Variants in ATL2 observed in about 807,000 individuals in gnomAD.
ATL2 encodes the protein atlastin GTPase 2, also known as atlastin-2.
ATL2 carries 31 observed loss-of-function variants against 73.9 expected under a neutral mutation model. The observed-to-expected ratio is 0.42, with a 90% CI of 0.32 to 0.57. ATL2 has a LOEUF of 0.57. Ranked by LOEUF, ATL2 falls within the 20% of genes least tolerant of loss-of-function variation. The pLI, the probability that ATL2 is intolerant of heterozygous loss-of-function variation, is 0.14. For missense variants in ATL2, 738 were observed against 702.6 expected, an observed-to-expected ratio of 1.05 and a Z score of -0.57; for synonymous variants, 291 against 237.5, an observed-to-expected ratio of 1.23 and a Z score of -2.07.
intron 9 of ATL2, among the ~76,000 whole-genome samples, chr2:38,307,579 C>A (rs1667520562): frequency 6.6e-6 from 1 of 151,826 alleles, no homozygotes; most frequent in Non-Finnish European, 1.5e-5. Context: ...TCAGTAATAC[C>A]CTACAAGCAC....
intron 9 of ATL2, among the ~76,000 whole-genome samples, chr2:38,307,071 T>C (rs1233468234): frequency 6.6e-6 from 1 of 152,018 alleles, no homozygotes; most frequent in South Asian, 2.1e-4. Context: ...AAAGAACACA[T>C]TGGTGGCCAG....
At chr2:38,315,693 C>A (rs1667993489) in intron 4 of ATL2, among the ~76,000 whole-genome samples, 1 of 151,916 alleles carries the variant, frequency 6.6e-6, no homozygotes, top group Non-Finnish European at 1.5e-5. Context: ...TAGGTTATTT[C>A]CACCATCATT....
At chr2:38,364,211 G>A (rs571258889) in intron 1 of ATL2, among the ~76,000 whole-genome samples, 15 of 152,228 alleles carry the variant, frequency 9.9e-5, no homozygotes, top group African/African-American at 2.4e-4. Context: ...GCAGTGAGCC[G>A]AGATTGTACC....
At chr2:38,332,028 C>T (rs1044446083) in intron 2 of ATL2, among the ~76,000 whole-genome samples, 1 of 151,944 alleles carries the variant, frequency 6.6e-6, no homozygotes, top group African/African-American at 2.4e-5. Flanking sequence ...TATGGATGAA[C>T]CCTGAAAACA....
chr2:38,359,334 G>T (rs980802149), intron 1 of ATL2, among the ~76,000 whole-genome samples: 1 of 152,018 alleles, frequency 6.6e-6, no homozygotes, highest in Non-Finnish European at 1.5e-5. Flanking sequence ...GCCAGGCGTG[G>T]TGCCACACGC....
chr2:38,376,186 T>A, intron 1 of ATL2: 5 of 1,520,636 alleles, frequency 3.3e-6, no homozygotes, highest in Non-Finnish European at 4.4e-6. Flanking sequence ...CCATCAAAAT[T>A]TTCAATCAGG....
intron 2 of ATL2, among the ~76,000 whole-genome samples, chr2:38,325,159 C>A (rs1668526857): frequency 6.6e-6 from 1 of 152,178 alleles, no homozygotes; most frequent in Non-Finnish European, 1.5e-5. Context: ...CATTGGACTT[C>A]CAGTGTCAGC....
At chr2:38,345,060 C>A (rs1174644280) in intron 1 of ATL2, among the ~76,000 whole-genome samples, 1 of 152,168 alleles carries the variant, frequency 6.6e-6, no homozygotes, top group African/African-American at 2.4e-5. Flanking sequence ...TCAGAGGACA[C>A]ATACCTTGTC....
chr2:38,337,999 T>C (rs537468295), intron 2 of ATL2, among the ~76,000 whole-genome samples: 4 of 152,330 alleles, frequency 2.6e-5, no homozygotes, highest in Non-Finnish European at 4.4e-5. Context: ...GTTTTGACCA[T>C]TGTAAACTGA....
At chr2:38,334,123 G>A (rs970995679) in intron 2 of ATL2, among the ~76,000 whole-genome samples, 1 of 146,724 alleles carries the variant, frequency 6.8e-6, no homozygotes, top group Admixed American at 6.9e-5. Context: ...TCTGCCTCCA[G>A]GGTTCAAGAG....
At chr2:38,366,590 C>T (rs529452051) in intron 1 of ATL2, among the ~76,000 whole-genome samples, 2 of 152,298 alleles carry the variant, frequency 1.3e-5, no homozygotes, top group South Asian at 2.1e-4. Flanking sequence ...CTTCAAAGCA[C>T]GACAAAGCCT....
At chr2:38,352,159 A>AAC (rs1670392795) in intron 1 of ATL2, among the ~76,000 whole-genome samples, 1 of 147,180 alleles carries the variant, frequency 6.8e-6, no homozygotes, top group African/African-American at 2.6e-5. Flanking sequence ...AAAAAAAAAA[A>AAC]ACCACCATAA....
At chr2:38,310,052 C>G (rs1369321226) in intron 8 of ATL2, among the ~76,000 whole-genome samples, 1 of 152,156 alleles carries the variant, frequency 6.6e-6, no homozygotes, top group Non-Finnish European at 1.5e-5. Context: ...AAGAAATGCT[C>G]TCAGCCTTCA....
chr2:38,361,026 G>A (rs1670983485), intron 1 of ATL2, among the ~76,000 whole-genome samples: 1 of 152,008 alleles, frequency 6.6e-6, no homozygotes, highest in Non-Finnish European at 1.5e-5. Context: ...ATTTACATAT[G>A]GATAAGCTTC....
intron 3 of ATL2, 56 bp from the exon 4 acceptor site, chr2:38,318,695 A>G: frequency 2.1e-6 from 3 of 1,430,822 alleles, no homozygotes; most frequent in Non-Finnish European, 2.9e-6. Context: ...AATGACTATA[A>G]AAAAAATCAA....
At position 38,299,171 on chromosome 2, in the gene ATL2, T is replaced by C. The variant is rs562126446; in HGVS notation, c.1200+85A>G. On this transcript the variant is annotated intron_variant, in intron 11 of 12. Transcript: ENST00000378954. ...CCATAAGCTGCACAAATTCGCTCAA[T>C]TATTTAAAAAATTTTTTTAATTTTT... 7.2e-4 allele frequency: 931 copies of C among 1,297,710 alleles called. 3 individuals are homozygous for C. Among genetic ancestry groups the C allele is most frequent in the Middle Eastern group, 3.7e-3 (13 of 3,534 alleles). 80.4% of individuals were successfully genotyped at this position (1,297,710 alleles called of 1,614,324 possible).
At chr2:38,339,153 T>G (rs377485144) in intron 2 of ATL2, among the ~76,000 whole-genome samples, 3 of 151,868 alleles carry the variant, frequency 2.0e-5, no homozygotes, top group Admixed American at 6.6e-5. Flanking sequence ...GAGGCGGAGG[T>G]TGCAGTGAGC....
intron 10 of ATL2, among the ~76,000 whole-genome samples, chr2:38,299,634 A>G (rs907736877): frequency 4.6e-5 from 7 of 152,134 alleles, no homozygotes; most frequent in Admixed American, 2.0e-4. Flanking sequence ...GTGGATCTCC[A>G]GGTGTTAGGA....
At chr2:38,310,554 G>A in intron 7 of ATL2, 107 bp from the exon 8 acceptor site, 1 of 906,662 alleles carries the variant, frequency 1.1e-6, no homozygotes. Flanking sequence ...AACTCAGATG[G>A]TACTCCTAAG....
Sources: gnomAD v4.1 joint callset for allele counts (sites outside exome capture counted in the v4.1 genomes callset) on GRCh38, gnomAD v4.1.1 for gene constraint, MANE v1.5 for transcripts, NCBI Gene and HGNC (gene_info 2026-07-23, HGNC 2026-07-21) for gene names.